The following PCDHA13 variants were observed in gnomAD, a reference collection of about 807,000 sequenced individuals.
The protein encoded by PCDHA13 is protocadherin alpha-13.
Under a neutral mutation model 64.8 loss-of-function variants are expected in PCDHA13, and 54 were observed. The observed-to-expected ratio is 0.83, with a 90% CI of 0.67 to 1.04. The LOEUF (loss-of-function observed/expected upper bound fraction) is 1.04, where lower values mean the gene tolerates loss of function less well. Ranked by LOEUF, PCDHA13 falls within the 50% of genes least tolerant of loss-of-function variation. The pLI is 0.00. For missense variants in PCDHA13, 1,248 were observed against 1,254.3 expected (o/e 0.99, Z 0.08); for synonymous variants, 587 against 564.4 (o/e 1.04, Z -0.57).
chr5:140,994,258 G>A (rs2097608740), intron 3 of PCDHA13, among the ~76,000 whole-genome samples: 1 of 152,122 alleles, frequency 6.6e-6, no homozygotes, highest in Admixed American at 6.5e-5. Flanking sequence ...GGTAAATAAG[G>A]TAAGCTAGGC....
chr5:140,926,755 T>G, intron 1 of PCDHA13: 4 of 1,282,566 alleles, frequency 3.1e-6, no homozygotes, highest in Non-Finnish European at 4.0e-6. Context: ...CGGCGGTCGC[T>G]GAGTATCCAG....
At chr5:140,955,652 A>T (rs1452679583) in intron 1 of PCDHA13, among the ~76,000 whole-genome samples, 2 of 152,180 alleles carry the variant, frequency 1.3e-5, no homozygotes, top group African/African-American at 4.8e-5. Context: ...ATTAATACAC[A>T]TATGAATTTT....
chr5:140,932,583 G>A (rs1007147257), intron 1 of PCDHA13, among the ~76,000 whole-genome samples: 29 of 151,810 alleles, frequency 1.9e-4, no homozygotes, highest in Admixed American at 1.8e-3. Flanking sequence ...AGGGTAATTA[G>A]ATGTTTTGTA....
intron 1 of PCDHA13, among the ~76,000 whole-genome samples, chr5:140,898,608 T>G (rs1208473607): frequency 7.2e-5 from 11 of 152,362 alleles, no homozygotes; most frequent in African/African-American, 2.6e-4. Flanking sequence ...TAGTATAGTT[T>G]GAAGTCAGGT....
At chr5:140,927,925 C>G in intron 1 of PCDHA13, 4 of 1,614,214 alleles carry the variant, frequency 2.5e-6, no homozygotes, top group Non-Finnish European at 8.5e-7. Flanking sequence ...CTTCCTGACT[C>G]TTTCGAACCC....
rs782328804 is a variant in PCDHA13, at chr5:140,882,548, G to A, written c.280G>A (p.Glu94Lys). The A allele has an allele frequency of 5.3e-5, 86 of 1,614,126 alleles. No homozygotes were observed. The highest frequency in any genetic ancestry group is 4.9e-4 in the East Asian group (22 of 44,902). ...LFVNSRIDRE[E>K]LCGRSAECSI... ...TGTGAATTCTCGGATCGACCGCGAG[G>A]AGCTGTGTGGGCGGAGCGCGGAGTG... The change falls in exon 1 of 4, where the codon GAG becomes AAG. Residue 94 changes from glutamate to lysine, a missense_variant. Physicochemically the swap from Glu to Lys is moderately conservative, Grantham distance 56 (BLOSUM62 1). Transcript: ENST00000289272.
At chr5:140,995,393 G>T (rs1267179638) in intron 3 of PCDHA13, among the ~76,000 whole-genome samples, 5 of 152,184 alleles carry the variant, frequency 3.3e-5, no homozygotes, top group Non-Finnish European at 7.3e-5. Flanking sequence ...GATAAAGCGG[G>T]ATGGCTCGAG....
At chr5:140,929,195 G>GT in intron 1 of PCDHA13, 2 of 1,614,140 alleles carry the variant, frequency 1.2e-6, no homozygotes, top group Non-Finnish European at 1.7e-6. Context: ...GATAATAACA[G>GT]TTTGCTGTTG....
intron 3 of PCDHA13, among the ~76,000 whole-genome samples, chr5:140,988,287 C>A (rs2097291303): frequency 6.6e-6 from 1 of 152,240 alleles, no homozygotes; most frequent in Non-Finnish European, 1.5e-5. Context: ...TGCCATCTGA[C>A]AGCCCAGGAG....
At chr5:140,969,661 G>A (rs2096351521) in intron 1 of PCDHA13, among the ~76,000 whole-genome samples, 2 of 152,166 alleles carry the variant, frequency 1.3e-5, no homozygotes, top group Non-Finnish European at 2.9e-5. Context: ...GTTTTAGGGA[G>A]TAATGTTATG....
At chr5:141,004,679 TG>T in intron 3 of PCDHA13, among the ~76,000 whole-genome samples, 1 of 152,160 alleles carries the variant, frequency 6.6e-6, no homozygotes, top group South Asian at 2.1e-4. Context: ...GACTGTGGAG[TG>T]GTGCTGAAAC....
At chr5:140,996,094 T>C (rs1428375932) in intron 3 of PCDHA13, among the ~76,000 whole-genome samples, 1 of 152,192 alleles carries the variant, frequency 6.6e-6, no homozygotes, top group Non-Finnish European at 1.5e-5. Flanking sequence ...CTAGATTACA[T>C]GGAATGGTAT....
chr5:140,903,290 G>A (rs1554190896), intron 1 of PCDHA13, among the ~76,000 whole-genome samples: 3 of 152,016 alleles, frequency 2.0e-5, no homozygotes, highest in African/African-American at 7.3e-5. Flanking sequence ...TTGTGCATTA[G>A]GAAATTTAGT....
At position 140,912,741 on chromosome 5, in the gene PCDHA13, C is replaced by T. The variant is rs371215646; in HGVS notation, c.2394+28079C>T. Among the ~76,000 whole-genome samples the T allele has an allele frequency of 2.1e-3, 323 of 152,182 alleles. 1 individual carries two copies. Among genetic ancestry groups the T allele is most frequent in the African/African-American group, 7.6e-3 (315 of 41,526 alleles). ...ATTCAATATGATGTTGGCTGTGGGT[C>T]TGTCATAGATGGCTTTTATTACTTT... On this transcript the variant is annotated intron_variant, in intron 1 of 3. Transcript: ENST00000289272.
intron 1 of PCDHA13, among the ~76,000 whole-genome samples, chr5:140,960,717 T>G (rs367185): frequency 9.9e-5 from 3 of 30,264 alleles, no homozygotes; most frequent in African/African-American, 2.5e-4. Flanking sequence ...ATACTCATCT[T>G]ATTTTAGTCC....
chr5:140,992,857 CTCT>C (rs2097531206), intron 3 of PCDHA13, among the ~76,000 whole-genome samples: 2 of 152,148 alleles, frequency 1.3e-5, no homozygotes, highest in Non-Finnish European at 2.9e-5. Context: ...ACCAGTTTCA[CTCT>C]AGCTCCCTCC....
intron 3 of PCDHA13, among the ~76,000 whole-genome samples, chr5:140,982,826 T>C (rs193172264): frequency 1.1e-3 from 157 of 141,010 alleles, no homozygotes; most frequent in African/African-American, 3.0e-3. Context: ...GTTTTTGGGG[T>C]TTGTTTGTTT....
At chr5:140,944,792 G>C (rs1411963111) in intron 1 of PCDHA13, among the ~76,000 whole-genome samples, 3 of 152,138 alleles carry the variant, frequency 2.0e-5, no homozygotes, top group African/African-American at 7.2e-5. Context: ...TATTTTACAA[G>C]TCTGTCGAGG....
chr5:140,919,509 A>G (rs897648504), intron 1 of PCDHA13, among the ~76,000 whole-genome samples: 1 of 152,052 alleles, frequency 6.6e-6, no homozygotes, highest in Non-Finnish European at 1.5e-5. Context: ...CTTTTTCTAT[A>G]TGTTTTAATT....
Sources: allele counts gnomAD v4.1 joint callset (sites outside exome capture counted in the v4.1 genomes callset), GRCh38; gene constraint gnomAD v4.1.1; transcripts MANE v1.5; gene names NCBI Gene and HGNC (gene_info 2026-07-23, HGNC 2026-07-21).